The following UNC5C variants were observed in gnomAD, a reference collection of about 807,000 sequenced individuals.
UNC5C encodes netrin receptor UNC5C.
In UNC5C, 47 loss-of-function variants were observed where a neutral mutation model predicts 99.8. The ratio of observed to expected loss-of-function variants is 0.47; its 90% CI spans 0.37 to 0.60. The LOEUF is 0.60. UNC5C is among the 20% of genes least tolerant of loss of function. UNC5C has a pLI of 0.00. For missense variants in UNC5C, 1,062 were observed against 1,165.9 expected, an observed-to-expected ratio of 0.91 and a Z score of 1.30; for synonymous variants, 487 against 452.2, an observed-to-expected ratio of 1.08 and a Z score of -0.98.
In UNC5C at chr4:95,219,090, C is replaced by A. The variant is rs147827953; in HGVS notation, c.1524G>T (p.Ser508=). The A allele has an allele frequency of 6.2e-7, 1 of 1,614,024 alleles. No individual in the cohort carries two copies. Among genetic ancestry groups the A allele is most frequent in the Non-Finnish European group, 8.5e-7 (1 of 1,180,026 alleles). ...GGCTGAGGGCTTCATTCTCCAACAA[C>A]GACTGGGTCATCTGAGGGGACAGCT... ...TSKLSPQMTQ[S]LLENEALSLK... Residue 508 remains serine (S), a synonymous_variant, in exon 9 of 16, where the codon TCG becomes TCT. Transcript: ENST00000453304.
At position 95,441,902 on chromosome 4, in the gene UNC5C, T is replaced by G. The variant is rs1318261976; in HGVS notation, c.125-106271A>C. Among the ~76,000 whole-genome samples, 6 of 152,266 alleles carry G rather than the reference T, an allele frequency of 3.9e-5. No homozygotes were observed. In the East Asian group the frequency reaches 1.2e-3, roughly 29 times the overall value. On this transcript the variant is annotated intron_variant, in intron 1 of 15. Coordinates refer to ENST00000453304, the MANE Select transcript of UNC5C (RefSeq NM_003728.4). ...AATAAGTTGCTCTCATGAAGCTAAA[T>G]AGTATAGTAAACTAGTAAGATTAAC...
In UNC5C at chr4:95,398,055, T is replaced by TC. The variant is rs1189846904; in HGVS notation, c.125-62425_125-62424insG. ...GTAGCCAAATGTAGCTTTTTTTTTT[T>TC]TTTTTTTTGCTTATGTAAAATGCTA... On this transcript the variant is annotated intron_variant, in intron 1 of 15. Coordinates refer to ENST00000453304, the MANE Select transcript of UNC5C (RefSeq NM_003728.4). Among the ~76,000 whole-genome samples the TC allele has an allele frequency of 1.6e-4, 24 of 149,570 alleles. 1 individual carries two copies. The highest frequency in any genetic ancestry group is 1.3e-4 in the Non-Finnish European group (9 of 67,684).
At chr4:95,444,332 C>CTTTT (rs11363815) in intron 1 of UNC5C, among the ~76,000 whole-genome samples, 99 of 136,222 alleles carry the variant, frequency 7.3e-4, no homozygotes, top group Non-Finnish European at 1.3e-3. Flanking sequence ...AGTGCATTGC[C>CTTTT]TTTTTTTTTT....
At chr4:95,448,019 A>G (rs1578169128) in intron 1 of UNC5C, among the ~76,000 whole-genome samples, 1 of 152,182 alleles carries the variant, frequency 6.6e-6, no homozygotes, top group East Asian at 1.9e-4. Flanking sequence ...TCCTGCTGAC[A>G]CTTTCCAGCT....
intron 4 of UNC5C, among the ~76,000 whole-genome samples, chr4:95,272,860 A>G (rs751403543): frequency 6.6e-6 from 1 of 152,224 alleles, no homozygotes; most frequent in African/African-American, 2.4e-5. Flanking sequence ...TCTGGAGACA[A>G]TATAGCTGCA....
Position 95,212,919 on chromosome 4 carries a change from C to T in UNC5C, c.1733+3205G>A, listed in dbSNP as rs760999889. On this transcript the variant is annotated intron_variant, in intron 10 of 15. Transcript: ENST00000453304. ...CTGGGACCTGGCTCACCCTCCGGCC[C>T]GGTTCCTCCTCCTCCTCTCTCCTCA... Among the ~76,000 whole-genome samples the T allele has an allele frequency of 5.3e-5, 8 of 152,340 alleles. No homozygotes were observed. In the South Asian group the frequency reaches 8.3e-4, roughly 16 times the overall value.
intron 1 of UNC5C, among the ~76,000 whole-genome samples, chr4:95,473,933 C>T (rs1748053208): frequency 1.3e-5 from 2 of 152,084 alleles, no homozygotes; most frequent in Non-Finnish European, 2.9e-5. Context: ...AGATAGATCA[C>T]AGGGCCTTCT....
chr4:95,288,098 T>TTTATTTATTTATTTA (rs1474255872), intron 3 of UNC5C, among the ~76,000 whole-genome samples: 401 of 37,358 alleles, frequency 0.011, no homozygotes, highest in Middle Eastern at 0.036. Flanking sequence ...TTATTTATTT[T>TTTATTTATTTATTTA]TTGAGAGGGA....
At chr4:95,202,182 T>C (rs1403705610) in intron 12 of UNC5C, among the ~76,000 whole-genome samples, 1 of 152,194 alleles carries the variant, frequency 6.6e-6, no homozygotes, top group East Asian at 1.9e-4. Flanking sequence ...TTCTATATCA[T>C]AAGTTCTTCA....
At chr4:95,255,827 T>G (rs1358232786) in intron 4 of UNC5C, among the ~76,000 whole-genome samples, 2 of 151,976 alleles carry the variant, frequency 1.3e-5, no homozygotes, top group Non-Finnish European at 2.9e-5. Flanking sequence ...GCCCACCACC[T>G]ATATTTCTCT....
chr4:95,336,434 ACT>A (rs1398032609), intron 1 of UNC5C, among the ~76,000 whole-genome samples: 1 of 151,750 alleles, frequency 6.6e-6, no homozygotes, highest in Non-Finnish European at 1.5e-5. Flanking sequence ...GTAATTGAAA[ACT>A]CTGATGTCAA....
At chr4:95,339,162 A>G (rs1743461240) in intron 1 of UNC5C, among the ~76,000 whole-genome samples, 1 of 152,136 alleles carries the variant, frequency 6.6e-6, no homozygotes, top group Non-Finnish European at 1.5e-5. Flanking sequence ...ACAATTGTTC[A>G]GACTGAGAAA....
chr4:95,449,051 C>T (rs895953352), intron 1 of UNC5C, among the ~76,000 whole-genome samples: 1 of 152,016 alleles, frequency 6.6e-6, no homozygotes, highest in African/African-American at 2.4e-5. Context: ...ATTATGCAAA[C>T]TTGCTCCTAC....
At chr4:95,198,139 C>G (rs1382456864) in intron 12 of UNC5C, among the ~76,000 whole-genome samples, 1 of 152,062 alleles carries the variant, frequency 6.6e-6, no homozygotes, top group Non-Finnish European at 1.5e-5. Flanking sequence ...CAGGGGCACA[C>G]CACCACGCCC....
At chr4:95,485,534 C>A (rs953645633) in intron 1 of UNC5C, among the ~76,000 whole-genome samples, 4 of 151,770 alleles carry the variant, frequency 2.6e-5, no homozygotes, top group Admixed American at 1.3e-4. Context: ...TCATGTGGCA[C>A]CAAAGGAAAC....
At chr4:95,272,445 T>C (rs1740696728) in intron 4 of UNC5C, among the ~76,000 whole-genome samples, 1 of 152,240 alleles carries the variant, frequency 6.6e-6, no homozygotes. Context: ...CTTAAACTTA[T>C]TGCAATTTTA....
At chr4:95,221,440 G>C (rs1246463373) in intron 7 of UNC5C, among the ~76,000 whole-genome samples, 2 of 152,136 alleles carry the variant, frequency 1.3e-5, no homozygotes, top group African/African-American at 4.8e-5. Context: ...GGTTTACATG[G>C]TGAAATAACT....
rs150543823 is a variant in UNC5C, at chr4:95,226,823, GT to G, written c.1109-6648del. ...TGTTTGGAAATGGGGTAGGGATGGT[GT>G]TTTTTTTTGGTTGTCATAAGGATTA... On this transcript the variant is annotated intron_variant, in intron 7 of 15. Coordinates refer to ENST00000453304, the MANE Select transcript of UNC5C (RefSeq NM_003728.4). Among the ~76,000 whole-genome samples, 930 of 151,132 alleles carry G rather than the reference GT, an allele frequency of 6.2e-3. 7 individuals are homozygous for G. The highest frequency in any genetic ancestry group is 0.021 in the African/African-American group (882 of 41,182).
Position 95,375,795 on chromosome 4 carries a change from A to C in UNC5C, c.125-40164T>G, listed in dbSNP as rs375616835. 2.0e-4 allele frequency among the ~76,000 whole-genome samples: 31 copies of C among 152,336 alleles called. No individual in the cohort carries two copies. In the South Asian group the frequency reaches 5.4e-3, roughly 26 times the overall value. Reference sequence around the variant, plus strand: ...AGAATAGTTTTAAAATATACAGAATAGGCCGGGCGTGGTGGCTCACGCCTG... The same window carrying C: ...AGAATAGTTTTAAAATATACAGAATCGGCCGGGCGTGGTGGCTCACGCCTG... On this transcript the variant is annotated intron_variant, in intron 1 of 15. Transcript: ENST00000453304.
Sources: allele counts gnomAD v4.1 joint callset (sites outside exome capture counted in the v4.1 genomes callset), GRCh38; gene constraint gnomAD v4.1.1; transcripts MANE v1.5; gene names NCBI Gene and HGNC (gene_info 2026-07-23, HGNC 2026-07-21).